Variants in PACSIN2 observed in about 807,000 individuals in gnomAD.
The protein encoded by PACSIN2 is protein kinase C and casein kinase substrate in neurons protein 2.
Under a neutral mutation model 63.8 loss-of-function variants are expected in PACSIN2, and 25 were observed. The ratio of observed to expected loss-of-function variants is 0.39; its 90% CI spans 0.29 to 0.55. PACSIN2 has a LOEUF of 0.55. PACSIN2 is among the 20% of genes least tolerant of loss of function. PACSIN2 has a pLI of 0.62. For missense variants in PACSIN2, 518 were observed against 646.9 expected (o/e 0.80, Z 2.16); for synonymous variants, 255 against 256.2 (o/e 1.00, Z 0.05).
At chr22:42,906,513 T>C (rs1471300303) in intron 2 of PACSIN2, among the ~76,000 whole-genome samples, 2 of 152,360 alleles carry the variant, frequency 1.3e-5, no homozygotes, top group Non-Finnish European at 2.9e-5. Flanking sequence ...TCGAGGGCCC[T>C]GATCTGCCCC....
Position 42,876,123 on chromosome 22 carries a change from G to A in PACSIN2, c.1348+14C>T. 1 of 1,600,322 alleles carries A rather than the reference G, an allele frequency of 6.2e-7. No individual in the cohort carries two copies. The stretch of plus-strand genomic sequence containing the variant: ...GAAGCCCTCCTCCCCTGGATGCTGG[G>A]GGAGCCCACCTACCAGCCTTGAAGC... On this transcript the variant is annotated intron_variant, in intron 10 of 10. Coordinates refer to ENST00000263246, the MANE Select transcript of PACSIN2 (RefSeq NM_001184970.3).
chr22:42,967,989 A>G (rs140943057), intron 1 of PACSIN2, among the ~76,000 whole-genome samples: 2 of 152,362 alleles, frequency 1.3e-5, no homozygotes, highest in African/African-American at 4.8e-5. Context: ...TTTATATACA[A>G]TGATATACTC....
intron 1 of PACSIN2, among the ~76,000 whole-genome samples, chr22:42,987,090 G>A (rs1198698214): frequency 6.6e-6 from 1 of 152,124 alleles, no homozygotes; most frequent in Non-Finnish European, 1.5e-5. Context: ...TCAATGAGAA[G>A]ACATTTTTGA....
intron 2 of PACSIN2, among the ~76,000 whole-genome samples, chr22:42,903,632 G>A (rs920463113): frequency 6.6e-6 from 1 of 152,108 alleles, no homozygotes; most frequent in African/African-American, 2.4e-5. Context: ...TCCACACTTC[G>A]GTGCTGCCTT....
chr22:42,999,367 G>T (rs368570679), intron 1 of PACSIN2, among the ~76,000 whole-genome samples: 1 of 152,138 alleles, frequency 6.6e-6, no homozygotes, highest in Non-Finnish European at 1.5e-5. Flanking sequence ...GTGTACGGAG[G>T]CATTAAAAAA....
At chr22:42,928,601 T>C (rs1932681914) in intron 1 of PACSIN2, among the ~76,000 whole-genome samples, 1 of 152,172 alleles carries the variant, frequency 6.6e-6, no homozygotes, top group South Asian at 2.1e-4. Context: ...TTAAACTCAG[T>C]AGATGGTGTT....
At chr22:43,000,335 T>C (rs1050057187) in intron 1 of PACSIN2, among the ~76,000 whole-genome samples, 1 of 152,146 alleles carries the variant, frequency 6.6e-6, no homozygotes, top group Non-Finnish European at 1.5e-5. Flanking sequence ...TTGCCAACTC[T>C]ACCCCAAGGA....
In PACSIN2 at chr22:43,010,399, T is replaced by TATATATATATATATATATATA. The variant is rs1388431678; in HGVS notation, c.-78+4621_-78+4622insTATATATATATATATATATAT. 2.2e-4 allele frequency among the ~76,000 whole-genome samples: 7 copies of TATATATATATATATATATATA among 32,508 alleles called. No homozygotes were observed. The East Asian group carries it at 0.012, about 56-fold the overall frequency. The allele number at this position is 32,508 out of a possible 152,430, so 21.3% of individuals were successfully genotyped here. On this transcript the variant is annotated intron_variant, in intron 1 of 10. Coordinates refer to ENST00000263246, the MANE Select transcript of PACSIN2 (RefSeq NM_001184970.3). ...GTTTAAAAATACATATATATATATA[T>TATATATATATATATATATATA]TTTTTTTTAATTGAAAATAAAAAAG... is the stretch of plus-strand genomic sequence containing the variant.
intron 1 of PACSIN2, among the ~76,000 whole-genome samples, chr22:42,981,721 C>T (rs1922159716): frequency 9.3e-6 from 1 of 107,158 alleles, no homozygotes; most frequent in Non-Finnish European, 2.0e-5. Context: ...GCCGCCCCTA[C>T]TGGGAAGTGA....
chr22:42,917,985 G>A (rs767997712), intron 1 of PACSIN2, among the ~76,000 whole-genome samples: 1 of 152,128 alleles, frequency 6.6e-6, no homozygotes, highest in African/African-American at 2.4e-5. Context: ...CAGTCCCAGG[G>A]CAACTGTATT....
Position 42,888,701 on chromosome 22 carries a change from G to C in PACSIN2, c.551C>G (p.Pro184Arg), listed in dbSNP as rs761689851. ...ANSKADPSLN[P>R]EQLKKLQDKI... ...GTCTTGCAATTTCTTGAGCTGTTCAGGGTTGAGGGATGGGTCTGCCTTGCT... is the reference window on the plus strand; with the variant it reads ...GTCTTGCAATTTCTTGAGCTGTTCACGGTTGAGGGATGGGTCTGCCTTGCT... Residue 184 changes from proline (P) to arginine (R), a missense_variant, in exon 5 of 11, where the codon CCT becomes CGT. Pro to Arg is a moderately radical substitution (Grantham distance 103). Coordinates refer to ENST00000263246, the MANE Select transcript of PACSIN2 (RefSeq NM_001184970.3). 9.9e-6 allele frequency: 16 copies of C among 1,614,050 alleles called. No individual in the cohort carries two copies. The highest frequency in any genetic ancestry group is 2.7e-5 in the African/African-American group (2 of 74,912).
chr22:42,979,620 T>C (rs1921941269), intron 1 of PACSIN2, among the ~76,000 whole-genome samples: 1 of 151,626 alleles, frequency 6.6e-6, no homozygotes, highest in Non-Finnish European at 1.5e-5. Context: ...AAAGAAGTAA[T>C]TGGCCCAGGT....
chr22:43,014,779 C>A (rs1221677806), intron 1 of PACSIN2, among the ~76,000 whole-genome samples: 1 of 150,392 alleles, frequency 6.6e-6, no homozygotes, highest in Non-Finnish European at 1.5e-5. Flanking sequence ...CTTCCCCGAG[C>A]CGACCCCACT....
chr22:42,982,888 A>AAAAAAAAAAAAAAAAAAAAC lies in PACSIN2; in HGVS notation c.-78+32132_-78+32133insGTTTTTTTTTTTTTTTTTTT, dbSNP rs759532303. On this transcript the variant is annotated intron_variant, in intron 1 of 10. Coordinates refer to ENST00000263246, the MANE Select transcript of PACSIN2 (RefSeq NM_001184970.3). The stretch of plus-strand genomic sequence containing the variant: ...GATCAATAAAAAAAAAAAAAAAAAA[A>AAAAAAAAAAAAAAAAAAAAC]AACAACAACAAGGCTAGGAGCAGTG... 1.0e-3 allele frequency among the ~76,000 whole-genome samples: 107 copies of AAAAAAAAAAAAAAAAAAAAC among 104,978 alleles called. 5 individuals carry two copies. The highest frequency in any genetic ancestry group is 1.9e-3 in the Non-Finnish European group (92 of 47,794). The allele number at this position is 104,978 out of a possible 152,430, so 68.9% of individuals were successfully genotyped here.
chr22:43,010,385 C>CATATATATAT (rs1253098949), intron 1 of PACSIN2, among the ~76,000 whole-genome samples: 769 of 66,104 alleles, frequency 0.012, 25 homozygotes, highest in African/African-American at 0.043. Context: ...TTTAAAAATA[C>CATATATATAT]ATATATATAT....
chr22:42,992,521 G>C (rs1308181029), intron 1 of PACSIN2, among the ~76,000 whole-genome samples: 3 of 152,174 alleles, frequency 2.0e-5, no homozygotes, highest in Non-Finnish European at 4.4e-5. Flanking sequence ...ACTGAGGCAG[G>C]AGGATCATTT....
chr22:42,942,567 C>A (rs1327671487), intron 1 of PACSIN2, among the ~76,000 whole-genome samples: 1 of 152,096 alleles, frequency 6.6e-6, no homozygotes, highest in Non-Finnish European at 1.5e-5. Flanking sequence ...TCTGATCCAT[C>A]TGGAGTTAAG....
In PACSIN2 at chr22:42,870,064, G is replaced by GCGT. The variant is rs1411726758; in HGVS notation, c.*1290_*1292dup. On this transcript the variant is annotated 3_prime_UTR_variant, in exon 11 of 11. Coordinates refer to ENST00000263246, the MANE Select transcript of PACSIN2 (RefSeq NM_001184970.3). ...ACCCCCGCCGGCCCGCGTGGCCCCC[G>GCGT]CGTAACTCTGGCTGCAGCACCTGCT... 1 of 145,890 alleles carries GCGT rather than the reference G, an allele frequency of 6.9e-6. No individual in the cohort carries two copies. Among genetic ancestry groups the GCGT allele is most frequent in the African/African-American group, 2.5e-5 (1 of 39,516 alleles). 9.0% of individuals were successfully genotyped at this position (145,890 alleles called of 1,614,324 possible).
At chr22:42,962,021 G>A (rs1375528771) in intron 1 of PACSIN2, among the ~76,000 whole-genome samples, 1 of 152,078 alleles carries the variant, frequency 6.6e-6, no homozygotes, top group African/African-American at 2.4e-5. Context: ...TGCCACGCCC[G>A]CCACAGCTGG....
Sources: gnomAD v4.1 joint callset for allele counts (sites outside exome capture counted in the v4.1 genomes callset) on GRCh38, gnomAD v4.1.1 for gene constraint, MANE v1.5 for transcripts, NCBI Gene and HGNC (gene_info 2026-07-23, HGNC 2026-07-21) for gene names.